PPIL1: variants seen among roughly 807,000 people sequenced by gnomAD.
The protein encoded by PPIL1 is peptidylprolyl isomerase like 1, also known as peptidyl-prolyl cis-trans isomerase-like 1.
Under a neutral mutation model 19.4 loss-of-function variants are expected in PPIL1, and 14 were observed. The observed-to-expected ratio is 0.72, with a 90% CI of 0.48 to 1.13. PPIL1 has a LOEUF of 1.13. PPIL1 is among the 50% of genes most tolerant of loss of function. The probability of loss-of-function intolerance (pLI) is 0.00; values close to 1 mark genes in which losing one functional copy is unlikely to be tolerated. For synonymous variants in PPIL1, 72 were observed against 73.6 expected, an observed-to-expected ratio of 0.98 and a Z score of 0.11; for missense variants, 192 against 218.0, an observed-to-expected ratio of 0.88 and a Z score of 0.75.
intron 2 of PPIL1, among the ~76,000 whole-genome samples, chr6:36,863,808 T>C (rs1229388166): frequency 2.0e-5 from 3 of 151,730 alleles, no homozygotes; most frequent in African/African-American, 7.3e-5. Flanking sequence ...CTTTACTTGA[T>C]CCACACTCGA....
chr6:36,868,329 T>C (rs919961799), intron 2 of PPIL1, among the ~76,000 whole-genome samples: 1 of 151,296 alleles, frequency 6.6e-6, no homozygotes, highest in Non-Finnish European at 1.5e-5. Context: ...TTTTAGTGAA[T>C]GCAGGGAAAA....
At chr6:36,871,637 G>A in intron 2 of PPIL1, 81 bp downstream of exon 2, 1 of 1,491,674 alleles carries the variant, frequency 6.7e-7, no homozygotes, top group East Asian at 2.4e-5. Flanking sequence ...AGAGACTTCA[G>A]AAACTAATGC....
intron 2 of PPIL1, among the ~76,000 whole-genome samples, chr6:36,860,509 T>G (rs1774263834): frequency 1.3e-5 from 2 of 152,160 alleles, no homozygotes; most frequent in South Asian, 4.1e-4. Flanking sequence ...TTCAATGTAT[T>G]TATTTCAGAC....
At chr6:36,860,451 A>G (rs1215721443) in intron 2 of PPIL1, among the ~76,000 whole-genome samples, 1 of 152,152 alleles carries the variant, frequency 6.6e-6, no homozygotes, top group Non-Finnish European at 1.5e-5. Flanking sequence ...CCAAAAAAAA[A>G]GAGATTCTTT....
intron 2 of PPIL1, among the ~76,000 whole-genome samples, chr6:36,858,212 C>T (rs1252316570): frequency 1.6e-4 from 18 of 115,936 alleles, no homozygotes; most frequent in Admixed American, 1.5e-3. Context: ...CCAGCCTGGG[C>T]GACAGAGCAA....
chr6:36,872,411 A>T (rs750236532), intron 1 of PPIL1, among the ~76,000 whole-genome samples: 1 of 152,178 alleles, frequency 6.6e-6, no homozygotes, highest in Non-Finnish European at 1.5e-5. Context: ...AAATTTCAAT[A>T]AAAGGTACAG....
At position 36,874,314 on chromosome 6, in the gene PPIL1, T is replaced by C. The variant is rs991448701; in HGVS notation, c.56+403A>G. Among the ~76,000 whole-genome samples the C allele has an allele frequency of 3.9e-5, 6 of 152,262 alleles. No individual in the cohort carries two copies. The East Asian group carries it at 1.2e-3, about 29-fold the overall frequency. On this transcript the variant is annotated intron_variant, in intron 1 of 3. Coordinates refer to ENST00000373699, the MANE Select transcript of PPIL1 (RefSeq NM_016059.5). Reference sequence around the variant, plus strand: ...TTTGTTTCTACAACTGTATTACTTATCACGTAATGTTTACATGTCTGTCTC... The same window carrying C: ...TTTGTTTCTACAACTGTATTACTTACCACGTAATGTTTACATGTCTGTCTC...
At chr6:36,869,832 A>T (rs1197856305) in intron 2 of PPIL1, among the ~76,000 whole-genome samples, 2 of 152,240 alleles carry the variant, frequency 1.3e-5, no homozygotes, top group Non-Finnish European at 2.9e-5. Flanking sequence ...TCTGTTCTAT[A>T]TATATGAAAT....
At chr6:36,858,738 T>C (rs555775084) in intron 2 of PPIL1, 2 of 152,340 alleles carry the variant, frequency 1.3e-5, no homozygotes, top group East Asian at 3.9e-4. Flanking sequence ...CACTAAACTG[T>C]GTAAAACTCA....
At chr6:36,868,794 T>A (rs1313968495) in intron 2 of PPIL1, among the ~76,000 whole-genome samples, 1 of 151,960 alleles carries the variant, frequency 6.6e-6, no homozygotes, top group Admixed American at 6.6e-5. Flanking sequence ...CATGATTGTA[T>A]CACTGTACTC....
intron 2 of PPIL1, among the ~76,000 whole-genome samples, chr6:36,860,760 C>G (rs1188232717): frequency 8.3e-6 from 1 of 120,428 alleles, no homozygotes; most frequent in Non-Finnish European, 1.6e-5. Flanking sequence ...ATATATGTAT[C>G]CCTAAAAAAA....
Position 36,871,838 on chromosome 6 carries a change from G to T in PPIL1, c.91C>A (p.His31Asn). 6.2e-7 allele frequency: 1 copy of T among 1,610,540 alleles called. No individual in the cohort carries two copies. Among genetic ancestry groups the T allele is most frequent in the South Asian group, 1.1e-5 (1 of 90,122 alleles). The change falls in exon 2 of 4, where the codon CAT becomes AAT. Residue 31 changes from histidine to asparagine, a missense_variant. Physicochemically the swap from His to Asn is moderately conservative, Grantham distance 68. Transcript: ENST00000373699. ...GIIVLELYWKHAPKTCKNFAE... is the reference protein window; with the variant it reads ...GIIVLELYWKNAPKTCKNFAE... ...AAGTTCTTACAGGTCTTTGGAGCAT[G>T]CTTCCAGTACAGCTCCAGCACAATG...
At chr6:36,873,095 C>T (rs1271721696) in intron 1 of PPIL1, among the ~76,000 whole-genome samples, 1 of 152,246 alleles carries the variant, frequency 6.6e-6, no homozygotes, top group East Asian at 1.9e-4. Flanking sequence ...GTGTGTGGTA[C>T]TCTTTCCCTC....
intron 2 of PPIL1, among the ~76,000 whole-genome samples, chr6:36,867,773 G>A (rs12529769): frequency 0.11 from 16,472 of 152,286 alleles, 962 homozygotes; most frequent in Admixed American, 0.12. Flanking sequence ...GGCTCGCTCA[G>A]CATGAGCTGA....
At chr6:36,858,026 G>A (rs1225256899) in intron 2 of PPIL1, among the ~76,000 whole-genome samples, 4 of 151,660 alleles carry the variant, frequency 2.6e-5, no homozygotes, top group Non-Finnish European at 5.9e-5. Flanking sequence ...TCATGAGTTC[G>A]AGACCAGCCT....
At chr6:36,865,668 CTTA>C (rs542755920) in intron 2 of PPIL1, among the ~76,000 whole-genome samples, 163 of 152,262 alleles carry the variant, frequency 1.1e-3, no homozygotes, top group African/African-American at 3.7e-3. Flanking sequence ...TGCTTTTTCC[CTTA>C]TTGTGAATTA....
intron 2 of PPIL1, among the ~76,000 whole-genome samples, chr6:36,865,439 T>C (rs2150657951): frequency 6.6e-6 from 1 of 152,282 alleles, no homozygotes; most frequent in Non-Finnish European, 1.5e-5. Flanking sequence ...ATTTGATGCA[T>C]TTGTTCTGGG....
intron 1 of PPIL1, among the ~76,000 whole-genome samples, chr6:36,872,663 A>C (rs1229044184): frequency 9.9e-5 from 15 of 152,134 alleles, no homozygotes; most frequent in African/African-American, 3.4e-4. Flanking sequence ...GTTACAGTGC[A>C]GTGGCACAAT....
In PPIL1 at chr6:36,871,849, A is replaced by T. The variant is rs1774517392; in HGVS notation, c.80T>A (p.Leu27Gln). Residue 27 changes from leucine to glutamine, a missense_variant, in exon 2 of 4, where the codon CTG becomes CAG. By Grantham distance (113) the Leu-to-Gln change is moderately radical. Coordinates refer to ENST00000373699, the MANE Select transcript of PPIL1 (RefSeq NM_016059.5). ...GGTCTTTGGAGCATGCTTCCAGTAC[A>T]GCTCCAGCACAATGATTCCCATGCT... is the stretch of plus-strand genomic sequence containing the variant. Reference protein sequence around the residue: ...ETSMGIIVLELYWKHAPKTCK... With the variant: ...ETSMGIIVLEQYWKHAPKTCK... 1 of 1,601,566 alleles carries T rather than the reference A, an allele frequency of 6.2e-7. No homozygotes were observed. Among genetic ancestry groups the T allele is most frequent in the Non-Finnish European group, 8.5e-7 (1 of 1,176,012 alleles).
Sources: gnomAD v4.1 joint callset for allele counts (sites outside exome capture counted in the v4.1 genomes callset) on GRCh38, gnomAD v4.1.1 for gene constraint, MANE v1.5 for transcripts, NCBI Gene and HGNC (gene_info 2026-07-23, HGNC 2026-07-21) for gene names.